The following KIF1A variants were observed in gnomAD, a reference collection of about 807,000 sequenced individuals.
KIF1A encodes kinesin-like protein KIF1A.
KIF1A carries 46 observed loss-of-function variants against 227.3 expected under a neutral mutation model. The ratio of observed to expected loss-of-function variants is 0.20; its 90% CI spans 0.16 to 0.26. The LOEUF (loss-of-function observed/expected upper bound fraction) is 0.26. Among genes scored for constraint, KIF1A ranks in the 10% least tolerant of loss-of-function variants. The pLI, the probability that KIF1A is intolerant of heterozygous loss-of-function variation, is 1.00. For synonymous variants in KIF1A, 1,022 were observed against 1,012.8 expected, an observed-to-expected ratio of 1.01 and a Z score of -0.17; for missense variants, 1,683 against 2,485.9, an observed-to-expected ratio of 0.68 and a Z score of 6.87.
rs774350715 is a variant in KIF1A, at chr2:240,797,684, G to A, written c.69C>T (p.Asp23=). The A allele has an allele frequency of 8.7e-6, 14 of 1,612,810 alleles. No individual in the cohort carries two copies. The highest frequency in any genetic ancestry group is 2.2e-5 in the South Asian group (2 of 90,986). Residue 23 remains aspartate (D), a synonymous_variant, in exon 2 of 49, where the codon GAC becomes GAT. Transcript: ENST00000498729. ...RPFNSREMSR[D]SKCIIQMSGS... ...CAGACATCTGAATGATGCACTTGGA[G>A]TCACGGCTCATTTCCCGGGAATTGA...
chr2:240,763,434 G>T (rs1349131926), intron 20 of KIF1A, 88 bp from the exon 21 acceptor site: 4 of 1,309,700 alleles, frequency 3.1e-6, no homozygotes, highest in Non-Finnish European at 4.2e-6. Context: ...GGAGAAAGGG[G>T]AACGGGTGCA....
chr2:240,717,513 C>T (rs920102677), intron 48 of KIF1A, 107 bp from the exon 49 acceptor site: 2 of 980,110 alleles, frequency 2.0e-6, no homozygotes, highest in Non-Finnish European at 3.2e-6. Context: ...CCACAGACCC[C>T]ATGTCCCCGC....
intron 9 of KIF1A, 115 bp downstream of exon 9, chr2:240,782,929 C>T: frequency 1.1e-6 from 1 of 911,906 alleles, no homozygotes; most frequent in Non-Finnish European, 1.8e-6. Context: ...CGGGCTCTCC[C>T]TTGAACCTGG....
At chr2:240,756,963 G>A (rs965358654) in intron 27 of KIF1A, among the ~76,000 whole-genome samples, 5 of 152,226 alleles carry the variant, frequency 3.3e-5, no homozygotes, top group South Asian at 2.1e-4. Context: ...GGAGGAACTC[G>A]GCCATTGGGT....
At chr2:240,741,222 C>A in intron 35 of KIF1A, 47 bp downstream of exon 35, 4 of 1,320,080 alleles carry the variant, frequency 3.0e-6, no homozygotes, top group Non-Finnish European at 4.2e-6. Context: ...CTCCGCGCAC[C>A]CCCCGACACA....
chr2:240,791,114 C>T (rs967210794), intron 2 of KIF1A, among the ~76,000 whole-genome samples: 3 of 152,078 alleles, frequency 2.0e-5, no homozygotes, highest in Non-Finnish European at 2.9e-5. Flanking sequence ...TGGGGACTGA[C>T]CATCACAGCC....
At chr2:240,727,633 C>T (rs2046180941) in intron 38 of KIF1A, among the ~76,000 whole-genome samples, 2 of 152,316 alleles carry the variant, frequency 1.3e-5, no homozygotes, top group Middle Eastern at 3.4e-3. Flanking sequence ...GAGACAGCGG[C>T]GGCCTCGCTG....
chr2:240,806,168 A>G (rs1026593600), intron 1 of KIF1A, among the ~76,000 whole-genome samples: 1 of 152,230 alleles, frequency 6.6e-6, no homozygotes, highest in Non-Finnish European at 1.5e-5. Context: ...GTAGGACCCA[A>G]GCGCCTTGGC....
chr2:240,769,749 C>T, intron 15 of KIF1A, 43 bp from the exon 16 acceptor site: 1 of 1,550,018 alleles, frequency 6.5e-7, no homozygotes, highest in East Asian at 2.2e-5. Context: ...GGGGCTAGGG[C>T]CAAGGGAGAG....
Position 240,758,733 on chromosome 2 carries a change from A to C in KIF1A, c.2445-236T>G, listed in dbSNP as rs974527674. ...CAAGGTCACCAACAGCTCCTCCCAA[A>C]CTCCCTCCAGGGGGTGGGCTGGGGA... On this transcript the variant is annotated intron_variant, in intron 25 of 48. Coordinates refer to ENST00000498729, the MANE Select transcript of KIF1A (RefSeq NM_001244008.2). This position sits in a 1 kb window ranked among gnomAD's most constrained non-coding sequence, Gnocchi z 5.2. 1.3e-5 allele frequency among the ~76,000 whole-genome samples: 2 copies of C among 151,656 alleles called. No homozygotes were observed. Among genetic ancestry groups the C allele is most frequent in the African/African-American group, 4.9e-5 (2 of 41,234 alleles).
chr2:240,787,186 G>T, intron 5 of KIF1A, 65 bp downstream of exon 5: 2 of 1,313,596 alleles, frequency 1.5e-6, no homozygotes, highest in Non-Finnish European at 2.2e-6. Context: ...CATCAGAAAA[G>T]CACTGCCAGC....
chr2:240,717,005 C>T lies in KIF1A; in HGVS notation c.*359G>A, dbSNP rs1575508580. 7.8e-6 allele frequency: 2 copies of T among 257,682 alleles called. No homozygotes were observed. The highest frequency in any genetic ancestry group is 1.4e-4 in the East Asian group (2 of 13,918). 16.0% of individuals were successfully genotyped at this position (257,682 alleles called of 1,614,324 possible). On this transcript the variant is annotated 3_prime_UTR_variant, in exon 49 of 49. Coordinates refer to ENST00000498729, the MANE Select transcript of KIF1A (RefSeq NM_001244008.2). Reference sequence around the variant, plus strand: ...ATAGAACAAGTCTTATAGTTAATTTCCGAGTTGACTGTTTCAATGTCACTA... The same window carrying T: ...ATAGAACAAGTCTTATAGTTAATTTTCGAGTTGACTGTTTCAATGTCACTA...
At chr2:240,819,634 C>T (rs1408354302) in intron 1 of KIF1A, among the ~76,000 whole-genome samples, 1 of 151,908 alleles carries the variant, frequency 6.6e-6, no homozygotes, top group Non-Finnish European at 1.5e-5. Context: ...GGCGCTGCAG[C>T]CGCGCACCCT....
At chr2:240,745,310 C>A in intron 32 of KIF1A, 117 bp downstream of exon 32, 1 of 834,214 alleles carries the variant, frequency 1.2e-6, no homozygotes, top group African/African-American at 1.7e-5. Context: ...GTTCCCGGTG[C>A]ACAAGGCAGT....
chr2:240,767,110 A>G (rs1046238717), intron 18 of KIF1A, 89 bp from the exon 19 acceptor site: 1 of 1,196,406 alleles, frequency 8.4e-7, no homozygotes, highest in Non-Finnish European at 1.2e-6. Flanking sequence ...CCCAACCAGG[A>G]TTGTTTGGGA....
chr2:240,753,514 G>A (rs1559501157), intron 27 of KIF1A, among the ~76,000 whole-genome samples: 2 of 152,188 alleles, frequency 1.3e-5, no homozygotes, highest in Admixed American at 1.3e-4. Context: ...TCGAGGAGGA[G>A]GCCCAAGCCC....
intron 1 of KIF1A, among the ~76,000 whole-genome samples, chr2:240,813,909 C>T (rs1254202043): frequency 1.3e-5 from 2 of 152,164 alleles, no homozygotes; most frequent in Middle Eastern, 6.8e-3. Flanking sequence ...TCCACGCACC[C>T]GGGAGATTCA....
intron 4 of KIF1A, 131 bp downstream of exon 4, chr2:240,787,920 C>A: frequency 1.2e-6 from 1 of 838,252 alleles, no homozygotes. Flanking sequence ...ACTCTTGACC[C>A]AGCTGGCCTT....
chr2:240,754,620 G>A (rs2049614370), intron 27 of KIF1A, among the ~76,000 whole-genome samples: 1 of 152,216 alleles, frequency 6.6e-6, no homozygotes, highest in Admixed American at 6.5e-5. Flanking sequence ...ACCCTCCAGG[G>A]CCGCAGGTCT....
Sources: allele counts gnomAD v4.1 joint callset (sites outside exome capture counted in the v4.1 genomes callset), GRCh38; gene constraint gnomAD v4.1.1; non-coding constraint Gnocchi (gnomAD v3.1); transcripts MANE v1.5; gene names NCBI Gene and HGNC (gene_info 2026-07-23, HGNC 2026-07-21).